Variants in TAOK1 observed in about 807,000 individuals in gnomAD.
TAOK1 encodes TAO kinase 1, also known as serine/threonine-protein kinase TAO1.
A neutral mutation model predicts 138.3 loss-of-function variants in TAOK1; 21 were observed. The observed-to-expected ratio is 0.15, with a 90% CI of 0.11 to 0.22. The LOEUF (loss-of-function observed/expected upper bound fraction) is 0.22. Ranked by LOEUF, TAOK1 falls within the 10% of genes least tolerant of loss-of-function variation. The pLI, the probability that TAOK1 is intolerant of heterozygous loss-of-function variation, is 1.00. For missense variants in TAOK1, 651 were observed against 1,227.7 expected (o/e 0.53, Z 7.02); for synonymous variants, 361 against 398.4 (o/e 0.91, Z 1.12).
chr17:29,413,953 G>A (rs893423490), intron 1 of TAOK1, among the ~76,000 whole-genome samples: 20 of 139,846 alleles, frequency 1.4e-4, no homozygotes, highest in African/African-American at 5.4e-4. Flanking sequence ...CATGATCTTG[G>A]CTCACTGCAA....
intron 1 of TAOK1, among the ~76,000 whole-genome samples, chr17:29,398,180 CT>C (rs1904722869): frequency 6.6e-6 from 1 of 151,772 alleles, no homozygotes; most frequent in Non-Finnish European, 1.5e-5. Flanking sequence ...GTGGTAACTT[CT>C]TTATTTAACT....
intron 17 of TAOK1, among the ~76,000 whole-genome samples, chr17:29,525,406 C>T (rs2031993156): frequency 1.3e-5 from 2 of 151,966 alleles, no homozygotes; most frequent in African/African-American, 4.8e-5. Context: ...CCACCATGCC[C>T]GACCTTGTTT....
chr17:29,471,249 G>A (rs962712358), intron 3 of TAOK1, among the ~76,000 whole-genome samples: 8 of 148,030 alleles, frequency 5.4e-5, no homozygotes, highest in Admixed American at 4.1e-4. Context: ...GACAGTGTAC[G>A]TACCTTAATT....
intron 18 of TAOK1, among the ~76,000 whole-genome samples, chr17:29,533,114 T>A (rs560172782): frequency 1.3e-5 from 2 of 148,964 alleles, no homozygotes; most frequent in East Asian, 2.0e-4. Context: ...GCTTCTCACT[T>A]CTCAGACGGG....
chr17:29,532,151 C>T (rs2032126263), intron 18 of TAOK1, among the ~76,000 whole-genome samples: 1 of 152,086 alleles, frequency 6.6e-6, no homozygotes. Context: ...TGAGCCACCG[C>T]GCCCGGCAAT....
At chr17:29,475,828 T>A in intron 4 of TAOK1, 57 bp downstream of exon 4, 2 of 1,248,134 alleles carry the variant, frequency 1.6e-6, no homozygotes, top group Non-Finnish European at 2.3e-6. Context: ...TATAATGAAT[T>A]AATTCAGAAT....
At chr17:29,540,790 G>A (rs1384692549) in intron 19 of TAOK1, among the ~76,000 whole-genome samples, 1 of 151,506 alleles carries the variant, frequency 6.6e-6, no homozygotes, top group Non-Finnish European at 1.5e-5. Context: ...GGCTGGTCTC[G>A]AACTCCCAAC....
At chr17:29,481,837 G>A (rs570710671) in intron 7 of TAOK1, among the ~76,000 whole-genome samples, 322 of 152,190 alleles carry the variant, frequency 2.1e-3, no homozygotes, top group African/African-American at 7.5e-3. Flanking sequence ...GCGGGCGCCT[G>A]TAGTCCCAGC....
chr17:29,521,827 C>T (rs1441820155), intron 16 of TAOK1, among the ~76,000 whole-genome samples: 1 of 152,204 alleles, frequency 6.6e-6, no homozygotes, highest in Admixed American at 6.5e-5. Flanking sequence ...CGTGATCCAC[C>T]CGCCTCGGCC....
chr17:29,400,362 C>T (rs1450651215), intron 1 of TAOK1, among the ~76,000 whole-genome samples: 9 of 149,062 alleles, frequency 6.0e-5, no homozygotes, highest in Non-Finnish European at 1.3e-4. Flanking sequence ...TGCACTCCAG[C>T]CTGGGAGACA....
intron 2 of TAOK1, among the ~76,000 whole-genome samples, chr17:29,464,822 C>CTTTTT (rs547368498): frequency 1.5e-5 from 2 of 132,082 alleles, no homozygotes; most frequent in Non-Finnish European, 1.6e-5. Flanking sequence ...TAAGCTCTGT[C>CTTTTT]TTTTTTTTTT....
In TAOK1 at chr17:29,551,477, A is replaced by T. The variant is rs2032494174; in HGVS notation, c.*8455A>T. 1 of 152,198 alleles carries T rather than the reference A, an allele frequency of 6.6e-6. No individual in the cohort carries two copies. The highest frequency in any genetic ancestry group is 2.4e-5 in the African/African-American group (1 of 41,422). 9.4% of individuals were successfully genotyped at this position (152,198 alleles called of 1,614,324 possible). A position where few individuals can be genotyped will look rare whatever the true frequency, so the allele number is the denominator to read the frequency against. Reference sequence around the variant, plus strand: ...TATCGTGTCGAAAGTGTGATGTTCTACCACTTTACCAATAACTAATTTTAA... The same window carrying T: ...TATCGTGTCGAAAGTGTGATGTTCTTCCACTTTACCAATAACTAATTTTAA... On this transcript the variant is annotated 3_prime_UTR_variant, in exon 20 of 20. Coordinates refer to ENST00000261716, the MANE Select transcript of TAOK1 (RefSeq NM_020791.4).
chr17:29,445,546 A>T (rs987060329), intron 1 of TAOK1: 1 of 152,082 alleles, frequency 6.6e-6, no homozygotes, highest in Non-Finnish European at 1.5e-5. Flanking sequence ...TCATGAATGG[A>T]TGTTATCAAT....
chr17:29,419,095 T>C (rs538868550), intron 1 of TAOK1, among the ~76,000 whole-genome samples: 2 of 152,280 alleles, frequency 1.3e-5, no homozygotes, highest in East Asian at 3.9e-4. Flanking sequence ...CATTTCTTCA[T>C]TTATTCGGGT....
chr17:29,467,149 G>A lies in TAOK1; in HGVS notation c.137G>A (p.Arg46Gln), dbSNP rs1363005464. 3.2e-6 allele frequency: 5 copies of A among 1,586,918 alleles called. No homozygotes were observed. Among genetic ancestry groups the A allele is most frequent in the East Asian group, 2.3e-5 (1 of 44,438 alleles). ...CTTTCTTTCTTTCTTCTTTAGGCACGAGATGTGCGTACCAATGAAGTGGTG... is the reference window on the plus strand; with the variant it reads ...CTTTCTTTCTTTCTTCTTTAGGCACAAGATGTGCGTACCAATGAAGTGGTG... Reference protein sequence around the residue: ...HGSFGAVYFARDVRTNEVVAI... With the variant: ...HGSFGAVYFAQDVRTNEVVAI... Residue 46 changes from arginine to glutamine, a missense_variant, in exon 3 of 20, where the codon CGA becomes CAA. By Grantham distance (43) the Arg-to-Gln change is conservative (BLOSUM62 1). Transcript: ENST00000261716.
In TAOK1 at chr17:29,549,494, T is replaced by A. The variant is rs1404616281; in HGVS notation, c.*6472T>A. On this transcript the variant is annotated 3_prime_UTR_variant, in exon 20 of 20. Transcript: ENST00000261716. ...CTTGAAAGCATGAAGACCAGTTATATAGGGAACAGGTTTCTCTCAGTGGCA... is the reference window on the plus strand; with the variant it reads ...CTTGAAAGCATGAAGACCAGTTATAAAGGGAACAGGTTTCTCTCAGTGGCA... 1 of 152,332 alleles carries A rather than the reference T, an allele frequency of 6.6e-6. No homozygotes were observed. The highest frequency in any genetic ancestry group is 6.5e-5 in the Admixed American group (1 of 15,300). The allele number at this position is 152,332 out of a possible 1,614,324, so 9.4% of individuals were successfully genotyped here.
At chr17:29,397,591 A>G (rs1904652777) in intron 1 of TAOK1, among the ~76,000 whole-genome samples, 1 of 106,638 alleles carries the variant, frequency 9.4e-6, no homozygotes, top group Admixed American at 9.5e-5. Flanking sequence ...CAACAGAGTG[A>G]GATTCCGTCC....
chr17:29,463,634 T>C (rs1412165797), intron 2 of TAOK1, among the ~76,000 whole-genome samples: 1 of 151,818 alleles, frequency 6.6e-6, no homozygotes, highest in African/African-American at 2.4e-5. Flanking sequence ...AAAACTATAA[T>C]ACTCTTAGAA....
At chr17:29,463,341 G>A (rs914699525) in intron 2 of TAOK1, among the ~76,000 whole-genome samples, 10 of 152,002 alleles carry the variant, frequency 6.6e-5, no homozygotes, top group South Asian at 6.2e-4. Flanking sequence ...AGGCCAAGGC[G>A]GGCAGATCAC....
Sources: gnomAD v4.1 joint callset for allele counts (sites outside exome capture counted in the v4.1 genomes callset) on GRCh38, gnomAD v4.1.1 for gene constraint, MANE v1.5 for transcripts, NCBI Gene and HGNC (gene_info 2026-07-23, HGNC 2026-07-21) for gene names.